Variants in CIB2 observed in about 807,000 individuals in gnomAD.
The protein encoded by CIB2 is calcium and integrin-binding family member 2.
CIB2 carries 19 observed loss-of-function variants against 23.1 expected under a neutral mutation model. The observed-to-expected ratio is 0.82, with a 90% CI of 0.57 to 1.21. The LOEUF (loss-of-function observed/expected upper bound fraction) is 1.21, where lower values mean the gene tolerates loss of function less well. CIB2 is among the 50% of genes most tolerant of loss of function. The pLI is 0.00. For missense variants in CIB2, 220 were observed against 241.5 expected (o/e 0.91, Z 0.59); for synonymous variants, 94 against 91.7 (o/e 1.03, Z -0.14).
intron 1 of CIB2, among the ~76,000 whole-genome samples, chr15:78,124,914 A>T (rs1456199421): frequency 6.6e-6 from 1 of 152,178 alleles, no homozygotes; most frequent in Non-Finnish European, 1.5e-5. Context: ...TGCACACAAC[A>T]TCTGGGGTTT....
chr15:78,108,224 A>G lies in CIB2; in HGVS notation c.346+1011T>C, dbSNP rs577878231. Among the ~76,000 whole-genome samples, 29 of 151,018 alleles carry G rather than the reference A, an allele frequency of 1.9e-4. No individual in the cohort carries two copies. In the East Asian group the frequency reaches 5.0e-3, roughly 26 times the overall value. On this transcript the variant is annotated intron_variant, in intron 4 of 5. Transcript: ENST00000258930. ...CTCAAAAAAAAAAAAAAAAAAGAAA[A>G]GAAAAGAAAAAAGAAAGCAAAATGT...
intron 2 of CIB2, among the ~76,000 whole-genome samples, chr15:78,111,530 C>A (rs568914332): frequency 6.6e-6 from 1 of 152,290 alleles, no homozygotes; most frequent in South Asian, 2.1e-4. Context: ...CCCATCAGCA[C>A]CACCACCATC....
intron 2 of CIB2, among the ~76,000 whole-genome samples, chr15:78,115,374 C>T (rs1353607631): frequency 6.6e-6 from 1 of 151,882 alleles, no homozygotes; most frequent in African/African-American, 2.4e-5. Context: ...TTTCTCATGC[C>T]TCGGCCTCCC....
At chr15:78,108,163 G>T (rs1356757995) in intron 4 of CIB2, among the ~76,000 whole-genome samples, 1 of 143,454 alleles carries the variant, frequency 7.0e-6, no homozygotes, top group Non-Finnish European at 1.5e-5. Context: ...GAGATCACAC[G>T]ATTGCACTCC....
intron 2 of CIB2, among the ~76,000 whole-genome samples, chr15:78,118,200 A>G (rs1325847033): frequency 6.6e-6 from 1 of 152,206 alleles, no homozygotes; most frequent in Non-Finnish European, 1.5e-5. Flanking sequence ...ACTCACAAAA[A>G]GAAAGACTAA....
At chr15:78,122,893 T>C (rs1348034372) in intron 2 of CIB2, among the ~76,000 whole-genome samples, 2 of 152,226 alleles carry the variant, frequency 1.3e-5, no homozygotes, top group African/African-American at 2.4e-5. Context: ...CACAGCTCTC[T>C]TGGGAAGCTG....
chr15:78,109,195 C>CT (rs1567049781), intron 4 of CIB2, 40 bp downstream of exon 4: 2 of 1,293,860 alleles, frequency 1.5e-6, no homozygotes, highest in Admixed American at 1.9e-5. Context: ...CACATGTTCC[C>CT]CCACCGCATA....
At chr15:78,120,487 G>C (rs1452703110) in intron 2 of CIB2, 2 of 938,058 alleles carry the variant, frequency 2.1e-6, no homozygotes, top group African/African-American at 3.6e-5. Context: ...TGTGTACCAA[G>C]GGGACAAGGA....
At chr15:78,125,055 C>T (rs1172782755) in intron 1 of CIB2, among the ~76,000 whole-genome samples, 1 of 152,170 alleles carries the variant, frequency 6.6e-6, no homozygotes, top group Non-Finnish European at 1.5e-5. Flanking sequence ...ATGCTGGCTT[C>T]TTGGAAACAC....
In CIB2 at chr15:78,121,363, G is replaced by C. The variant is rs139934836; in HGVS notation, c.86+2342C>G. 5.9e-3 allele frequency among the ~76,000 whole-genome samples: 899 copies of C among 152,268 alleles called. 12 individuals are homozygous for C. The highest frequency in any genetic ancestry group is 0.021 in the African/African-American group (856 of 41,542). On this transcript the variant is annotated intron_variant, in intron 2 of 5. Transcript: ENST00000258930. ...GTCCTGATGCGTGCAGAGGGGTGCA[G>C]GCCAGGGCTGTGGGGAGCCAGGACG...
chr15:78,128,233 G>A (rs1462913621), intron 1 of CIB2, among the ~76,000 whole-genome samples: 1 of 152,226 alleles, frequency 6.6e-6, no homozygotes, highest in South Asian at 2.1e-4. Context: ...AAAGAGGTGA[G>A]GCCTGGCCTG....
At chr15:78,123,561 C>T in intron 2 of CIB2, 144 bp downstream of exon 2, 1 of 810,842 alleles carries the variant, frequency 1.2e-6, no homozygotes, top group Non-Finnish European at 2.1e-6. Context: ...AGCCCAGTGG[C>T]CGAGTGGGGA....
intron 5 of CIB2, 139 bp from the exon 6 acceptor site, chr15:78,105,471 A>G (rs2141879617): frequency 6.5e-7 from 1 of 1,537,596 alleles, no homozygotes; most frequent in East Asian, 2.4e-5. Context: ...GGATGCAGGT[A>G]ATCAACACTG....
chr15:78,111,384 G>C (rs2074157069), intron 2 of CIB2, 108 bp from the exon 3 acceptor site: 1 of 862,616 alleles, frequency 1.2e-6, no homozygotes, highest in African/African-American at 1.7e-5. Context: ...TCCTCAGCCA[G>C]GACCAGGTAA....
chr15:78,105,801 ACCGT>A lies in CIB2; in HGVS notation c.476_479del (p.Asp159ValfsTer13), dbSNP rs1567047642. On this transcript the variant is annotated frameshift_variant, in exon 5 of 6. Coordinates refer to ENST00000258930, the MANE Select transcript of CIB2 (RefSeq NM_006383.4). LOFTEE classifies it high-confidence loss of function. ...AGTCAGCAAAGCCCAGCTTGCCGTC[ACCGT>A]CCAAGTCAGCCTCCTCAATGACCTT... 1 of 1,614,178 alleles carries A rather than the reference ACCGT, an allele frequency of 6.2e-7. No homozygotes were observed. Among genetic ancestry groups the A allele is most frequent in the Non-Finnish European group, 8.5e-7 (1 of 1,180,024 alleles).
intron 3 of CIB2, among the ~76,000 whole-genome samples, chr15:78,109,874 T>TGAAGCA (rs914597918): frequency 2.0e-5 from 3 of 151,136 alleles, no homozygotes; most frequent in South Asian, 2.1e-4. Context: ...CTGCCTCATC[T>TGAAGCA]GAAGCAGAAG....
chr15:78,105,210 C>A lies in CIB2; in HGVS notation c.*101G>T. 6.6e-7 allele frequency: 1 copy of A among 1,514,560 alleles called. No individual in the cohort carries two copies. The highest frequency in any genetic ancestry group is 1.2e-5 in the South Asian group (1 of 86,514). 93.8% of individuals were successfully genotyped at this position (1,514,560 alleles called of 1,614,324 possible). On this transcript the variant is annotated 3_prime_UTR_variant, in exon 6 of 6. Coordinates refer to ENST00000258930, the MANE Select transcript of CIB2 (RefSeq NM_006383.4). ...CAGGATATATTTGTGGTGTAAACCCCAGAGGCTGCCACTGCTTTCCTGGGG... is the reference window on the plus strand; with the variant it reads ...CAGGATATATTTGTGGTGTAAACCCAAGAGGCTGCCACTGCTTTCCTGGGG...
intron 1 of CIB2, among the ~76,000 whole-genome samples, chr15:78,128,092 G>A (rs1326197095): frequency 2.0e-5 from 3 of 152,252 alleles, no homozygotes; most frequent in Admixed American, 2.0e-4. Context: ...GGAAGCTGGA[G>A]TGTAAACAGT....
chr15:78,123,244 C>T (rs2074342031), intron 2 of CIB2, among the ~76,000 whole-genome samples: 1 of 152,110 alleles, frequency 6.6e-6, no homozygotes, highest in Non-Finnish European at 1.5e-5. Flanking sequence ...AGCCAAAGGG[C>T]CCTTAGGGAC....
Sources: allele counts gnomAD v4.1 joint callset (sites outside exome capture counted in the v4.1 genomes callset), GRCh38; gene constraint gnomAD v4.1.1; transcripts MANE v1.5; gene names NCBI Gene and HGNC (gene_info 2026-07-23, HGNC 2026-07-21).